The following JMJD1C variants were observed in gnomAD, a reference collection of about 807,000 sequenced individuals.
JMJD1C encodes jumonji domain-containing protein 1C.
In JMJD1C, 31 loss-of-function variants were observed where a neutral mutation model predicts 245.3. The observed-to-expected ratio is 0.13, with a 90% CI of 0.09 to 0.17. The LOEUF is 0.17. JMJD1C is among the 10% of genes least tolerant of loss of function. JMJD1C has a pLI of 1.00. For missense variants in JMJD1C, 2,691 were observed against 3,000.2 expected, an observed-to-expected ratio of 0.90 and a Z score of 2.41; for synonymous variants, 1,057 against 1,017.4, an observed-to-expected ratio of 1.04 and a Z score of -0.74.
chr10:63,301,532 A>C (rs1018657816), intron 2 of JMJD1C, among the ~76,000 whole-genome samples: 7 of 152,344 alleles, frequency 4.6e-5, no homozygotes, highest in African/African-American at 1.4e-4. Flanking sequence ...ACAAATGGCT[A>C]ATCATTCTCA....
chr10:63,500,723 CGATG>C (rs1208128279), intron 1 of JMJD1C, among the ~76,000 whole-genome samples: 2 of 120,122 alleles, frequency 1.7e-5, no homozygotes, highest in Admixed American at 9.6e-5. Context: ...AAGACTGTCT[CGATG>C]GATGGATGGA....
At chr10:63,382,682 TA>T in intron 1 of JMJD1C, 1 of 433,426 alleles carries the variant, frequency 2.3e-6, no homozygotes, top group Non-Finnish European at 4.7e-6. Flanking sequence ...TCTATGCTCA[TA>T]GGACATTCAA....
At chr10:63,315,995 C>A (rs1224755747) in intron 2 of JMJD1C, among the ~76,000 whole-genome samples, 2 of 151,836 alleles carry the variant, frequency 1.3e-5, no homozygotes, top group East Asian at 1.9e-4. Flanking sequence ...ATAGTGAGAC[C>A]CCTGTCTCCT....
intron 2 of JMJD1C, among the ~76,000 whole-genome samples, chr10:63,360,739 A>G (rs1173045268): frequency 6.6e-6 from 1 of 152,182 alleles, no homozygotes; most frequent in Non-Finnish European, 1.5e-5. Context: ...ACATACCACA[A>G]AAGTTACATG....
At chr10:63,246,715 T>C (rs948157886) in intron 3 of JMJD1C, among the ~76,000 whole-genome samples, 2 of 151,670 alleles carry the variant, frequency 1.3e-5, no homozygotes, top group African/African-American at 4.8e-5. Context: ...CCTCAACAAA[T>C]TCAAAAAAGC....
chr10:63,312,350 C>A (rs1019088571), intron 2 of JMJD1C, among the ~76,000 whole-genome samples: 24 of 152,034 alleles, frequency 1.6e-4, no homozygotes, highest in Admixed American at 1.3e-4. Context: ...TCAGGTGATC[C>A]GCCCACCTTG....
At chr10:63,399,867 G>C (rs1281271502) in intron 1 of JMJD1C, among the ~76,000 whole-genome samples, 1 of 151,030 alleles carries the variant, frequency 6.6e-6, no homozygotes, top group East Asian at 1.9e-4. Flanking sequence ...GGTATATTCG[G>C]AGAATTCTAG....
chr10:63,348,962 G>A (rs970071033), intron 2 of JMJD1C, among the ~76,000 whole-genome samples: 3 of 151,852 alleles, frequency 2.0e-5, no homozygotes, highest in South Asian at 2.1e-4. Context: ...TTAGCCAGGC[G>A]TGGTGGCAGG....
chr10:63,474,579 T>C (rs58413618), intron 1 of JMJD1C, among the ~76,000 whole-genome samples: 36,210 of 151,748 alleles, frequency 0.24, 5,327 homozygotes, highest in Non-Finnish European at 0.32. Context: ...GCCTCCCAAG[T>C]AGCTGGGACC....
Position 63,207,598 on chromosome 10 carries a change from T to A in JMJD1C, c.4071A>T (p.Pro1357=). 1 of 1,614,192 alleles carries A rather than the reference T, an allele frequency of 6.2e-7. No homozygotes were observed. The highest frequency in any genetic ancestry group is 1.3e-5 in the African/African-American group (1 of 75,056). Residue 1357 remains proline (P), a synonymous_variant, in exon 10 of 26, where the codon CCA becomes CCT. Coordinates refer to ENST00000399262, the MANE Select transcript of JMJD1C (RefSeq NM_032776.3). Reference sequence around the variant, plus strand: ...TGTGAACACTGTCTGAATTCACATTTGGCAAAATGATTCTTCCAGTTTCTC... The same window carrying A: ...TGTGAACACTGTCTGAATTCACATTAGGCAAAATGATTCTTCCAGTTTCTC... ...EAGETGRIIL[P]NVNSDSVHTK...
intron 1 of JMJD1C, among the ~76,000 whole-genome samples, chr10:63,415,900 T>C (rs1199423843): frequency 5.3e-5 from 8 of 152,190 alleles, no homozygotes; most frequent in Admixed American, 5.2e-4. Context: ...GCTCAATCCA[T>C]GAAGTTGAAG....
chr10:63,210,882 T>C (rs1018108992), intron 8 of JMJD1C, among the ~76,000 whole-genome samples: 6 of 152,200 alleles, frequency 3.9e-5, no homozygotes, highest in African/African-American at 1.2e-4. Context: ...GACTCCCATC[T>C]ACGACAAAAG....
chr10:63,353,565 G>A (rs1944541164), intron 2 of JMJD1C, among the ~76,000 whole-genome samples: 2 of 152,230 alleles, frequency 1.3e-5, no homozygotes, highest in Admixed American at 6.5e-5. Context: ...ACCCAGGCTG[G>A]AGTGCAGTGG....
chr10:63,467,694 T>C (rs1325110168), upstream of JMJD1C, among the ~76,000 whole-genome samples: 1 of 152,252 alleles, frequency 6.6e-6, no homozygotes, highest in East Asian at 1.9e-4. Flanking sequence ...TGAAGATTTC[T>C]AAAATCAGTG....
chr10:63,458,114 T>G (rs769657191), intron 1 of JMJD1C, among the ~76,000 whole-genome samples: 3 of 152,192 alleles, frequency 2.0e-5, no homozygotes, highest in Non-Finnish European at 2.9e-5. Context: ...CATTAACAAT[T>G]TAGTAAAGAC....
intron 2 of JMJD1C, among the ~76,000 whole-genome samples, chr10:63,329,778 CAGT>C (rs1941943143): frequency 6.6e-6 from 1 of 152,212 alleles, no homozygotes; most frequent in African/African-American, 2.4e-5. Flanking sequence ...GGGTTAGCAG[CAGT>C]AAGCCACAGC....
chr10:63,505,926 G>A (rs1954705174), intron 1 of JMJD1C, among the ~76,000 whole-genome samples: 2 of 127,674 alleles, frequency 1.6e-5, no homozygotes, highest in Admixed American at 1.5e-4. Context: ...AGGCAAACGT[G>A]TACAATTTCT....
intron 2 of JMJD1C, among the ~76,000 whole-genome samples, chr10:63,346,284 T>TA (rs1381679888): frequency 1.3e-5 from 2 of 152,194 alleles, no homozygotes; most frequent in African/African-American, 4.8e-5. Context: ...GAGAAGCAAC[T>TA]AAAATAAAGC....
chr10:63,330,472 G>T (rs977262645), intron 2 of JMJD1C, among the ~76,000 whole-genome samples: 39 of 152,058 alleles, frequency 2.6e-4, no homozygotes, highest in Non-Finnish European at 5.3e-4. Context: ...ATATATTCAT[G>T]ATTTTAAATT....
Sources: gnomAD v4.1 joint callset for allele counts (sites outside exome capture counted in the v4.1 genomes callset) on GRCh38, gnomAD v4.1.1 for gene constraint, MANE v1.5 for transcripts, NCBI Gene and HGNC (gene_info 2026-07-23, HGNC 2026-07-21) for gene names.